FBXO11: variants seen among roughly 807,000 people sequenced by gnomAD.
FBXO11 encodes the protein F-box protein 11, also known as F-box only protein 11.
In FBXO11, 13 loss-of-function variants were observed where a neutral mutation model predicts 117.0. That is an observed-to-expected ratio of 0.11 (90% CI 0.07 to 0.18). FBXO11 has a LOEUF of 0.18. Among genes scored for constraint, FBXO11 ranks in the 10% least tolerant of loss-of-function variants. FBXO11 has a pLI of 1.00. For synonymous variants in FBXO11, 490 were observed against 380.5 expected, an observed-to-expected ratio of 1.29 and a Z score of -3.35; for missense variants, 767 against 1,164.4, an observed-to-expected ratio of 0.66 and a Z score of 4.97.
intron 1 of FBXO11, among the ~76,000 whole-genome samples, chr2:47,866,181 G>C (rs1447411143): frequency 6.7e-6 from 1 of 150,172 alleles, no homozygotes. Flanking sequence ...AGGAGTTTGA[G>C]GCTGCAGTGA....
intron 1 of FBXO11, among the ~76,000 whole-genome samples, chr2:47,851,386 A>C (rs1673847311): frequency 6.6e-6 from 1 of 151,968 alleles, no homozygotes; most frequent in African/African-American, 2.4e-5. Flanking sequence ...TATTTTTACC[A>C]CGCGTGGCTA....
At chr2:47,846,687 TA>T (rs1240999492) in intron 1 of FBXO11, among the ~76,000 whole-genome samples, 1 of 152,096 alleles carries the variant, frequency 6.6e-6, no homozygotes, top group Non-Finnish European at 1.5e-5. Flanking sequence ...TTAGCTGCAT[TA>T]AAAAATAAAA....
chr2:47,808,715 T>G, intron 21 of FBXO11: 1 of 344,766 alleles, frequency 2.9e-6, no homozygotes, highest in East Asian at 4.9e-5. Flanking sequence ...TTTGGAGGCG[T>G]GAAGAGTCAA....
At chr2:47,905,021 G>C (rs1337534108) in intron 1 of FBXO11, 1 of 152,356 alleles carries the variant, frequency 6.6e-6, no homozygotes, top group African/African-American at 2.4e-5. Flanking sequence ...GGCTAACACA[G>C]AAAAGAGGGG....
chr2:47,810,781 C>T (rs1670557292), intron 18 of FBXO11: 1 of 165,076 alleles, frequency 6.1e-6, no homozygotes, highest in Non-Finnish European at 1.3e-5. Context: ...ACCTTTGTAT[C>T]CTCTTTGTTT....
At chr2:47,899,172 G>C (rs548321590) in intron 1 of FBXO11, among the ~76,000 whole-genome samples, 1 of 151,652 alleles carries the variant, frequency 6.6e-6, no homozygotes, top group African/African-American at 2.4e-5. Context: ...TACTCAGGAG[G>C]CTGAGGCAGG....
chr2:47,842,103 TCTCCTG>T (rs1673057994), intron 1 of FBXO11, among the ~76,000 whole-genome samples: 3 of 149,474 alleles, frequency 2.0e-5, no homozygotes, highest in Non-Finnish European at 4.5e-5. Flanking sequence ...GCAACCTCCG[TCTCCTG>T]GGTTCAAGCC....
chr2:47,826,619 TTTTG>T (rs1459146409), intron 11 of FBXO11, among the ~76,000 whole-genome samples: 4 of 152,220 alleles, frequency 2.6e-5, no homozygotes, highest in African/African-American at 9.7e-5. Flanking sequence ...TTAACCTTAA[TTTTG>T]GTTAGATTAG....
At chr2:47,887,272 C>T (rs1205306638) in intron 1 of FBXO11, among the ~76,000 whole-genome samples, 2 of 136,380 alleles carry the variant, frequency 1.5e-5, no homozygotes, top group Admixed American at 8.2e-5. Context: ...GCAACAAGAG[C>T]GAAACTCCGT....
chr2:47,836,283 G>A (rs1198172601), intron 4 of FBXO11, among the ~76,000 whole-genome samples: 2 of 152,056 alleles, frequency 1.3e-5, no homozygotes, highest in African/African-American at 2.4e-5. Context: ...GTGTCACCAC[G>A]CACAGCTAAA....
intron 1 of FBXO11, among the ~76,000 whole-genome samples, chr2:47,861,279 C>T (rs1464830338): frequency 6.6e-6 from 1 of 150,922 alleles, no homozygotes; most frequent in Non-Finnish European, 1.5e-5. Context: ...TTGTAATTGA[C>T]TTCATAATAT....
At chr2:47,840,221 G>C (rs1406439767) in intron 1 of FBXO11, among the ~76,000 whole-genome samples, 1 of 152,164 alleles carries the variant, frequency 6.6e-6, no homozygotes, top group Non-Finnish European at 1.5e-5. Context: ...GGGATTACAG[G>C]CGTGAGCCAC....
chr2:47,853,135 G>C (rs896340998), intron 1 of FBXO11, among the ~76,000 whole-genome samples: 1 of 150,922 alleles, frequency 6.6e-6, no homozygotes. Flanking sequence ...GCAGTGGCAC[G>C]ATCTTGGCTG....
Position 47,839,017 on chromosome 2 carries a change from A to C in FBXO11, c.443-14T>G, listed in dbSNP as rs1672810522. 6.3e-7 allele frequency: 1 copy of C among 1,593,534 alleles called. No individual in the cohort carries two copies. Among genetic ancestry groups the C allele is most frequent in the Admixed American group, 1.8e-5 (1 of 56,852 alleles). The stretch of plus-strand genomic sequence containing the variant: ...CAGCAGGTGCTGCTATAAAGAGATT[A>C]ACATATAAACTATCATTCGAGCAAT... On this transcript the variant is annotated splice_polypyrimidine_tract_variant and intron_variant, in intron 3 of 22. Coordinates refer to ENST00000403359, the MANE Select transcript of FBXO11 (RefSeq NM_001190274.2).
At chr2:47,808,940 T>G (rs1670421879) in intron 21 of FBXO11, 1 of 410,034 alleles carries the variant, frequency 2.4e-6, no homozygotes, top group Non-Finnish European at 4.3e-6. Context: ...CCAGTGATCC[T>G]CCCACTTCAG....
At chr2:47,894,639 T>C (rs769284327) in intron 1 of FBXO11, among the ~76,000 whole-genome samples, 3 of 152,190 alleles carry the variant, frequency 2.0e-5, no homozygotes, top group Non-Finnish European at 2.9e-5. Flanking sequence ...GATATTAAGT[T>C]AGTGAATAAA....
chr2:47,896,603 A>G (rs1677687501), intron 1 of FBXO11, among the ~76,000 whole-genome samples: 1 of 152,168 alleles, frequency 6.6e-6, no homozygotes, highest in Non-Finnish European at 1.5e-5. Context: ...AAGTGCTAGG[A>G]TTACAGGCAT....
chr2:47,882,947 C>T (rs567298266), intron 1 of FBXO11, among the ~76,000 whole-genome samples: 2 of 152,174 alleles, frequency 1.3e-5, no homozygotes, highest in Non-Finnish European at 2.9e-5. Context: ...CCATGCCCAG[C>T]CATTTGCTTT....
In FBXO11 at chr2:47,823,208, C is replaced by T. The variant is rs752949734; in HGVS notation, c.1551G>A (p.Glu517=). 6.2e-7 allele frequency: 1 copy of T among 1,613,982 alleles called. No individual in the cohort carries two copies. The highest frequency in any genetic ancestry group is 8.5e-7 in the Non-Finnish European group (1 of 1,179,936). ...VHEKGRGQFI[E]NKIYANNFAG... is the part of the protein sequence containing the mutation. ...CAAAGTTGTTTGCATAGATTTTATT[C>T]TCTATGAATTGTCCTCTTCCTTTTT... The change falls in exon 12 of 23, where the codon GAG becomes GAA. Residue 517 remains glutamate (E), a synonymous_variant. Coordinates refer to ENST00000403359, the MANE Select transcript of FBXO11 (RefSeq NM_001190274.2).
Sources: allele counts gnomAD v4.1 joint callset (sites outside exome capture counted in the v4.1 genomes callset), GRCh38; gene constraint gnomAD v4.1.1; transcripts MANE v1.5; gene names NCBI Gene and HGNC (gene_info 2026-07-23, HGNC 2026-07-21).